Variants in CLVS1 observed in about 807,000 individuals in gnomAD.
The protein encoded by CLVS1 is clavesin 1, also known as clavesin-1.
Under a neutral mutation model 33.1 loss-of-function variants are expected in CLVS1, and 10 were observed. The observed-to-expected ratio is 0.30, with a 90% CI of 0.19 to 0.51. CLVS1 has a LOEUF of 0.51. CLVS1 is among the 20% of genes least tolerant of loss of function. The probability of loss-of-function intolerance (pLI) is 0.97; values close to 1 mark genes in which losing one functional copy is unlikely to be tolerated. For missense variants in CLVS1, 343 were observed against 433.4 expected (o/e 0.79, Z 1.85); for synonymous variants, 163 against 166.1 (o/e 0.98, Z 0.14).
At chr8:61,094,654 G>A (rs1014365834) in intron 1 of CLVS1, among the ~76,000 whole-genome samples, 12 of 152,164 alleles carry the variant, frequency 7.9e-5, no homozygotes, top group Admixed American at 5.9e-4. Context: ...TTGTATGAGT[G>A]AGCTCTTATC....
Position 61,136,450 on chromosome 8 carries a change from T to A in CLVS1, c.-152+4590T>A, listed in dbSNP as rs375715315. ...CATCAACCTAAATGCCCATCAATGA[T>A]AGACCGGATAAAGAAAATGTGGTAC... On this transcript the variant is annotated intron_variant, in intron 2 of 2. Coordinates refer to the CLVS1 transcript ENST00000522621. Among the ~76,000 whole-genome samples the A allele has an allele frequency of 7.6e-4, 115 of 152,276 alleles. No individual in the cohort carries two copies. The South Asian group carries it at 0.023, about 31-fold the overall frequency.
At chr8:61,340,563 A>G (rs1811995285) in intron 2 of CLVS1, among the ~76,000 whole-genome samples, 2 of 152,142 alleles carry the variant, frequency 1.3e-5, no homozygotes, top group African/African-American at 4.8e-5. Flanking sequence ...TATATATACC[A>G]CATTTAAAAA....
intron 3 of CLVS1, among the ~76,000 whole-genome samples, chr8:61,404,509 C>T (rs1402933708): frequency 6.6e-6 from 1 of 152,030 alleles, no homozygotes; most frequent in Non-Finnish European, 1.5e-5. Context: ...AGATCCAGTA[C>T]AATTATTTCA....
chr8:61,197,676 C>T (rs572336446), intron 2 of CLVS1, among the ~76,000 whole-genome samples: 2 of 152,266 alleles, frequency 1.3e-5, no homozygotes, highest in Non-Finnish European at 2.9e-5. Context: ...CCTGCCCCCA[C>T]ACCCCGCTAA....
chr8:61,098,672 G>A (rs1237325161), intron 1 of CLVS1, among the ~76,000 whole-genome samples: 1 of 152,128 alleles, frequency 6.6e-6, no homozygotes, highest in Non-Finnish European at 1.5e-5. Context: ...CAGGGACATA[G>A]AGGCACAGAG....
intron 2 of CLVS1, among the ~76,000 whole-genome samples, chr8:61,235,620 G>C (rs890424527): frequency 2.6e-5 from 4 of 152,186 alleles, no homozygotes; most frequent in Admixed American, 2.0e-4. Context: ...ACTAGTAGGG[G>C]AAAGGAGAGT....
chr8:61,004,688 C>T, the CLVS1 span, among the ~76,000 whole-genome samples: 2 of 152,162 alleles, frequency 1.3e-5, no homozygotes, highest in Non-Finnish European at 1.5e-5. Context: ...GTGGGGCCTG[C>T]GCGGGCCTGG....
In CLVS1 at chr8:61,499,080, C is replaced by A. The variant is rs1444674399; in HGVS notation, c.978-375C>A. ...AAGATTATTCCAGTACTCCAAAATGCTTTTTTGCCGTAAAAATGTGGTTTA... is the reference window on the plus strand; with the variant it reads ...AAGATTATTCCAGTACTCCAAAATGATTTTTTGCCGTAAAAATGTGGTTTA... On this transcript the variant is annotated intron_variant, in intron 5 of 5. Coordinates refer to ENST00000325897, the MANE Select transcript of CLVS1 (RefSeq NM_173519.3). Among the ~76,000 whole-genome samples the A allele has an allele frequency of 2.6e-5, 4 of 152,218 alleles. No homozygotes were observed. In the East Asian group the frequency reaches 7.7e-4, roughly 29 times the overall value.
chr8:61,079,044 A>G (rs969503210), intron 1 of CLVS1, among the ~76,000 whole-genome samples: 1 of 152,184 alleles, frequency 6.6e-6, no homozygotes, highest in Admixed American at 6.5e-5. Context: ...AGACCAAAAC[A>G]TCAAAACGTC....
intron 3 of CLVS1, among the ~76,000 whole-genome samples, chr8:61,388,970 C>T (rs904288148): frequency 2.0e-5 from 3 of 152,112 alleles, no homozygotes; most frequent in African/African-American, 4.8e-5. Context: ...CTACTTTTTC[C>T]TTCTATGAGA....
At chr8:61,052,093 G>T in the CLVS1 span, among the ~76,000 whole-genome samples, 1 of 152,182 alleles carries the variant, frequency 6.6e-6, no homozygotes, top group Non-Finnish European at 1.5e-5. Flanking sequence ...AAGGGGGATT[G>T]AGGTCACCGC....
chr8:61,392,624 G>A (rs112322219), intron 3 of CLVS1, among the ~76,000 whole-genome samples: 3,501 of 152,014 alleles, frequency 0.023, 113 homozygotes, highest in African/African-American at 0.078. Flanking sequence ...TTGGGTGGCC[G>A]AGGCAGGTGG....
At chr8:61,183,972 G>C (rs184209896) in intron 2 of CLVS1, among the ~76,000 whole-genome samples, 35 of 152,316 alleles carry the variant, frequency 2.3e-4, no homozygotes, top group African/African-American at 7.2e-4. Flanking sequence ...AATGTCTGCT[G>C]TAGGGAAGTG....
chr8:61,357,501 T>TTTTTTTTTTTTTTTC (rs1563514041), intron 2 of CLVS1, among the ~76,000 whole-genome samples: 22 of 99,288 alleles, frequency 2.2e-4, no homozygotes, highest in Admixed American at 1.9e-3. Context: ...TTTCTTTTTT[T>TTTTTTTTTTTTTTTC]TTTTTTTTTT....
At chr8:61,189,213 A>G (rs1409332356) in intron 2 of CLVS1, among the ~76,000 whole-genome samples, 2 of 152,200 alleles carry the variant, frequency 1.3e-5, no homozygotes, top group African/African-American at 4.8e-5. Context: ...AGTGGGGGCC[A>G]ATATTCAACA....
intron 2 of CLVS1, among the ~76,000 whole-genome samples, chr8:61,325,530 C>A (rs1042246218): frequency 2.0e-5 from 3 of 152,124 alleles, no homozygotes; most frequent in Non-Finnish European, 2.9e-5. Context: ...TTCCATTGTT[C>A]ATGCCATGCA....
At chr8:61,089,109 T>A (rs911921339) in intron 1 of CLVS1, among the ~76,000 whole-genome samples, 9 of 152,310 alleles carry the variant, frequency 5.9e-5, no homozygotes, top group South Asian at 2.1e-4. Flanking sequence ...CCTAGACTTT[T>A]AAAATATTTG....
chr8:61,252,663 A>G (rs1277612474), intron 2 of CLVS1, among the ~76,000 whole-genome samples: 1 of 152,212 alleles, frequency 6.6e-6, no homozygotes, highest in East Asian at 1.9e-4. Flanking sequence ...TCCCTTTACC[A>G]TTATGTAATG....
At chr8:61,362,883 A>G (rs897712106) in intron 2 of CLVS1, among the ~76,000 whole-genome samples, 2 of 152,206 alleles carry the variant, frequency 1.3e-5, no homozygotes, top group African/African-American at 2.4e-5. Context: ...TCAAAGAATT[A>G]TGTAGGTGGG....
Sources: allele counts gnomAD v4.1 joint callset (sites outside exome capture counted in the v4.1 genomes callset), GRCh38; gene constraint gnomAD v4.1.1; transcripts MANE v1.5; gene names NCBI Gene and HGNC (gene_info 2026-07-23, HGNC 2026-07-21).